Variants in ZDHHC14 observed in about 807,000 individuals in gnomAD.
The protein encoded by ZDHHC14 is palmitoyltransferase ZDHHC14.
Under a neutral mutation model 47.7 loss-of-function variants are expected in ZDHHC14, and 16 were observed. The observed-to-expected ratio is 0.34, with a 90% CI of 0.23 to 0.51. The LOEUF is 0.51. ZDHHC14 is among the 20% of genes least tolerant of loss of function. The probability of loss-of-function intolerance (pLI) is 0.97; values close to 1 mark genes in which losing one functional copy is unlikely to be tolerated. For synonymous variants in ZDHHC14, 293 were observed against 278.9 expected, an observed-to-expected ratio of 1.05 and a Z score of -0.50; for missense variants, 515 against 662.5, an observed-to-expected ratio of 0.78 and a Z score of 2.44.
At chr6:157,537,683 T>C (rs1456179700) in intron 1 of ZDHHC14, among the ~76,000 whole-genome samples, 2 of 152,220 alleles carry the variant, frequency 1.3e-5, no homozygotes, top group Non-Finnish European at 2.9e-5. Flanking sequence ...CTTTGGCAGC[T>C]GCCTCATCAT....
chr6:157,636,739 G>A (rs1398565598), intron 5 of ZDHHC14, among the ~76,000 whole-genome samples: 1 of 152,260 alleles, frequency 6.6e-6, no homozygotes, highest in Non-Finnish European at 1.5e-5. Context: ...GAAGTGAGCA[G>A]TGTGGGCAGC....
At position 157,677,255 on chromosome 6, in the gene ZDHHC14, A is replaced by C. The variant is rs1778984496; in HGVS notation, c.*4133A>C. On this transcript the variant is annotated 3_prime_UTR_variant, in exon 9 of 9. Transcript: ENST00000359775. ...GTACCTCATTTAAAAAAAAAAAAAA[A>C]AAAAAACTGCCTCTCATTTGTTCCC... 2 of 151,652 alleles carry C rather than the reference A, an allele frequency of 1.3e-5. No individual in the cohort carries two copies. The highest frequency in any genetic ancestry group is 6.6e-5 in the Admixed American group (1 of 15,230). The allele number at this position is 151,652 out of a possible 1,614,324, so 9.4% of individuals were successfully genotyped here. A position where few individuals can be genotyped will look rare whatever the true frequency, so the allele number is the denominator to read the frequency against.
chr6:157,575,329 A>G (rs1783265650), intron 2 of ZDHHC14, among the ~76,000 whole-genome samples: 1 of 152,196 alleles, frequency 6.6e-6, no homozygotes, highest in South Asian at 2.1e-4. Context: ...GGTTGACCGA[A>G]CAACTGGCAC....
intron 1 of ZDHHC14, among the ~76,000 whole-genome samples, chr6:157,393,166 A>C (rs1777453788): frequency 6.6e-6 from 1 of 152,242 alleles, no homozygotes; most frequent in Non-Finnish European, 1.5e-5. Context: ...GGCGTGAGCC[A>C]CCGCACCCAG....
At chr6:157,549,467 A>C (rs1782133965) in intron 2 of ZDHHC14, among the ~76,000 whole-genome samples, 1 of 152,178 alleles carries the variant, frequency 6.6e-6, no homozygotes, top group African/African-American at 2.4e-5. Flanking sequence ...ATCGTGCCGG[A>C]CATACCTTCT....
intron 7 of ZDHHC14, among the ~76,000 whole-genome samples, chr6:157,652,782 G>A (rs1211027829): frequency 6.6e-6 from 1 of 152,230 alleles, no homozygotes; most frequent in Non-Finnish European, 1.5e-5. Context: ...ATGTGGAAGA[G>A]GGGCTCTAAT....
chr6:157,404,993 C>T (rs1484995350), intron 1 of ZDHHC14, among the ~76,000 whole-genome samples: 1 of 152,160 alleles, frequency 6.6e-6, no homozygotes, highest in Non-Finnish European at 1.5e-5. Context: ...CCTCCCAGGT[C>T]CCATTCAGAA....
At chr6:157,384,629 G>A (rs192044799) in intron 1 of ZDHHC14, among the ~76,000 whole-genome samples, 242 of 152,310 alleles carry the variant, frequency 1.6e-3, no homozygotes, top group Non-Finnish European at 3.8e-4. Flanking sequence ...CTAGTATGAT[G>A]CCTCTGTTTG....
At chr6:157,598,871 C>A (rs1784231039) in intron 3 of ZDHHC14, among the ~76,000 whole-genome samples, 1 of 152,152 alleles carries the variant, frequency 6.6e-6, no homozygotes, top group Non-Finnish European at 1.5e-5. Context: ...AAAACACTTT[C>A]CAGCGTTCTA....
At chr6:157,511,883 G>A (rs962476429) in intron 1 of ZDHHC14, among the ~76,000 whole-genome samples, 104 of 152,222 alleles carry the variant, frequency 6.8e-4, no homozygotes, top group African/African-American at 2.4e-3. Flanking sequence ...TAAATAAATA[G>A]GCTTTTAATC....
chr6:157,602,556 G>C (rs144218470), intron 3 of ZDHHC14, among the ~76,000 whole-genome samples: 1 of 151,664 alleles, frequency 6.6e-6, no homozygotes, highest in Non-Finnish European at 1.5e-5. Context: ...GGAGAGCGCA[G>C]ATTCCCCAGT....
intron 1 of ZDHHC14, among the ~76,000 whole-genome samples, chr6:157,537,345 C>A (rs1229020658): frequency 6.6e-6 from 1 of 152,166 alleles, no homozygotes; most frequent in African/African-American, 2.4e-5. Flanking sequence ...CTAATTATTA[C>A]CTGGAATGAA....
At chr6:157,560,557 G>GT (rs562699852) in intron 2 of ZDHHC14, among the ~76,000 whole-genome samples, 96 of 151,352 alleles carry the variant, frequency 6.3e-4, no homozygotes, top group East Asian at 1.5e-3. Context: ...ATATAAACAA[G>GT]TTTTTTTTTG....
At chr6:157,413,972 T>C (rs1333297981) in intron 1 of ZDHHC14, among the ~76,000 whole-genome samples, 1 of 152,220 alleles carries the variant, frequency 6.6e-6, no homozygotes, top group Non-Finnish European at 1.5e-5. Context: ...AGTCTCACTC[T>C]GTTGCCCAGG....
chr6:157,592,659 T>C lies in ZDHHC14; in HGVS notation c.407-329T>C, dbSNP rs1241518045. ...CCCAGCTGTGTCTCCCAAGATGGCC[T>C]GGGGCCTCTCCTGCCGCCTACAGGG... On this transcript the variant is annotated intron_variant, in intron 2 of 8. Coordinates refer to ENST00000359775, the MANE Select transcript of ZDHHC14 (RefSeq NM_024630.3). The C allele has an allele frequency of 8.0e-6, 7 of 878,702 alleles. No homozygotes were observed. The African/African-American group carries it at 1.1e-4, about 14-fold the overall frequency. The allele number at this position is 878,702 out of a possible 1,614,324, so 54.4% of individuals were successfully genotyped here. A position where few individuals can be genotyped will look rare whatever the true frequency, so the allele number is the denominator to read the frequency against.
intron 1 of ZDHHC14, among the ~76,000 whole-genome samples, chr6:157,468,450 G>T (rs1779274684): frequency 6.6e-6 from 1 of 152,174 alleles, no homozygotes; most frequent in Admixed American, 6.5e-5. Context: ...GCTGGGTCCT[G>T]CTGAAGATAC....
At chr6:157,541,057 C>T (rs561824523) in intron 1 of ZDHHC14, among the ~76,000 whole-genome samples, 3 of 151,828 alleles carry the variant, frequency 2.0e-5, no homozygotes, top group Non-Finnish European at 4.4e-5. Context: ...CAAAGAACAT[C>T]CATTCACCCT....
intron 1 of ZDHHC14, among the ~76,000 whole-genome samples, chr6:157,503,405 C>T (rs1025401712): frequency 3.6e-4 from 55 of 152,320 alleles, no homozygotes; most frequent in African/African-American, 1.3e-3. Context: ...TGGCTTACAT[C>T]TCCGCTCCTG....
intron 2 of ZDHHC14, among the ~76,000 whole-genome samples, chr6:157,551,821 C>T (rs1240167126): frequency 6.6e-6 from 1 of 152,200 alleles, no homozygotes; most frequent in Non-Finnish European, 1.5e-5. Flanking sequence ...TAAATAGCGT[C>T]TTATTCCTTA....
Sources: gnomAD v4.1 joint callset for allele counts (sites outside exome capture counted in the v4.1 genomes callset) on GRCh38, gnomAD v4.1.1 for gene constraint, MANE v1.5 for transcripts, NCBI Gene and HGNC (gene_info 2026-07-23, HGNC 2026-07-21) for gene names.